Variants in SLC35D2 observed in about 807,000 individuals in gnomAD.
SLC35D2 encodes the protein solute carrier family 35 member D2, also known as nucleotide sugar transporter SLC35D2.
Under a neutral mutation model 41.8 loss-of-function variants are expected in SLC35D2, and 43 were observed. The ratio of observed to expected loss-of-function variants is 1.03; its 90% confidence interval spans 0.81 to 1.33. The LOEUF (loss-of-function observed/expected upper bound fraction) is 1.33. Among genes scored for constraint, SLC35D2 ranks in the 40% most tolerant of loss-of-function variants. SLC35D2 has a pLI of 0.00. For missense variants in SLC35D2, 380 were observed against 408.4 expected (o/e 0.93, Z 0.60); for synonymous variants, 150 against 163.9 (o/e 0.92, Z 0.65).
intron 2 of SLC35D2, 95 bp downstream of exon 2, chr9:96,368,177 A>T: frequency 2.2e-6 from 2 of 926,400 alleles, no homozygotes; most frequent in South Asian, 3.4e-5. Context: ...CAGCTGAATA[A>T]ATTTGCAAAC....
chr9:96,373,916 T>C (rs1306175023), intron 1 of SLC35D2: 1 of 152,160 alleles, frequency 6.6e-6, no homozygotes, highest in African/African-American at 2.4e-5. Context: ...AGTCAAATGA[T>C]ACAATGTAGG....
chr9:96,375,056 A>C (rs931887539), intron 1 of SLC35D2, among the ~76,000 whole-genome samples: 6 of 148,488 alleles, frequency 4.0e-5, no homozygotes, highest in African/African-American at 1.5e-4. Context: ...CAGTGGCTCA[A>C]TCTCAGCTCA....
intron 11 of SLC35D2, 58 bp downstream of exon 11, chr9:96,321,940 T>C: frequency 1.0e-6 from 1 of 976,552 alleles, no homozygotes; most frequent in Admixed American, 2.0e-5. Flanking sequence ...TACATATTAA[T>C]CAGAGTGTTT....
At chr9:96,357,939 C>T (rs960026715) in intron 4 of SLC35D2, among the ~76,000 whole-genome samples, 27 of 151,582 alleles carry the variant, frequency 1.8e-4, no homozygotes, top group African/African-American at 6.1e-4. Context: ...TTCAGGAGAC[C>T]GAGACAGGAG....
rs1830210373 is a variant in SLC35D2 at position 96,360,335 on chromosome 9, A to T, written c.280-114T>A. The T allele has an allele frequency of 1.2e-5, 10 of 865,722 alleles. No individual in the cohort carries two copies. The South Asian group carries it at 1.4e-4, about 12-fold the overall frequency. The allele number at this position is 865,722 out of a possible 1,614,324, so 53.6% of individuals were successfully genotyped here. A position where few individuals can be genotyped will look rare whatever the true frequency, so the allele number is the denominator to read the frequency against. The stretch of plus-strand genomic sequence containing the variant: ...CAGAGAGGATCTTCAAACAGGCATT[A>T]AAAAAATGATTTTGGCGGGGCGCAG... On this transcript the variant is annotated intron_variant, in intron 3 of 11. Transcript: ENST00000253270.
chr9:96,322,098 G>T lies in SLC35D2; in HGVS notation c.832-18C>A. The T allele has an allele frequency of 6.7e-7, 1 of 1,485,428 alleles. No homozygotes were observed. The highest frequency in any genetic ancestry group is 9.3e-7 in the Non-Finnish European group (1 of 1,073,208). 92.0% of individuals were successfully genotyped at this position (1,485,428 alleles called of 1,614,324 possible). A position where few individuals can be genotyped will look rare whatever the true frequency, so the allele number is the denominator to read the frequency against. Reference sequence around the variant, plus strand: ...GATACATTCTGCAGAAAAAGAGAGAGGATTCGTCATTTTAAAAGTAAACTG... The same window carrying T: ...GATACATTCTGCAGAAAAAGAGAGATGATTCGTCATTTTAAAAGTAAACTG... On this transcript the variant is annotated intron_variant, in intron 10 of 11. Coordinates refer to ENST00000253270, the MANE Select transcript of SLC35D2 (RefSeq NM_007001.3).
At chr9:96,382,613 C>T (rs1831251786) in intron 1 of SLC35D2, among the ~76,000 whole-genome samples, 2 of 151,662 alleles carry the variant, frequency 1.3e-5, no homozygotes, top group Non-Finnish European at 2.9e-5. Flanking sequence ...GTGAGACCCA[C>T]ATAAGCTGAA....
intron 1 of SLC35D2, among the ~76,000 whole-genome samples, chr9:96,377,176 C>T (rs896376223): frequency 2.0e-5 from 3 of 151,724 alleles, no homozygotes; most frequent in Admixed American, 6.6e-5. Flanking sequence ...GGGGAGATCT[C>T]GGAGAGGTGC....
chr9:96,365,725 C>G (rs1830448533), intron 2 of SLC35D2, among the ~76,000 whole-genome samples: 1 of 152,142 alleles, frequency 6.6e-6, no homozygotes, highest in Non-Finnish European at 1.5e-5. Context: ...AAAAATGTCT[C>G]CTTCAAATCC....
chr9:96,316,863 G>T (rs1828064962), downstream of SLC35D2, among the ~76,000 whole-genome samples: 1 of 152,296 alleles, frequency 6.6e-6, no homozygotes, highest in African/African-American at 2.4e-5. Flanking sequence ...AACAGGCCAG[G>T]TGTGGTGGCT....
intron 6 of SLC35D2, among the ~76,000 whole-genome samples, chr9:96,346,426 C>G (rs80086175): frequency 0.022 from 3,423 of 152,284 alleles, 133 homozygotes; most frequent in African/African-American, 0.079. Flanking sequence ...AGATGCATCT[C>G]AGGGCCGACC....
chr9:96,360,763 C>T (rs1236396770), intron 3 of SLC35D2, among the ~76,000 whole-genome samples: 1 of 151,214 alleles, frequency 6.6e-6, no homozygotes, highest in Non-Finnish European at 1.5e-5. Context: ...TTTTTTGAGA[C>T]AGAGTTTTGC....
chr9:96,367,989 G>A (rs36073984), intron 2 of SLC35D2, among the ~76,000 whole-genome samples: 3,860 of 152,250 alleles, frequency 0.025, 72 homozygotes, highest in Middle Eastern at 0.054. Flanking sequence ...TCCAGGCCTT[G>A]GAGGCTTTGA....
chr9:96,334,648 AT>A (rs944786895), intron 9 of SLC35D2, among the ~76,000 whole-genome samples: 3 of 151,968 alleles, frequency 2.0e-5, no homozygotes, highest in Admixed American at 6.6e-5. Flanking sequence ...AAAAAAAAAA[AT>A]TTTTTTTAAG....
downstream of SLC35D2, among the ~76,000 whole-genome samples, chr9:96,320,104 T>G (rs1208854959): frequency 6.6e-6 from 1 of 152,216 alleles, no homozygotes. Context: ...TTGGGCCTCC[T>G]TCCCATACAC....
intron 1 of SLC35D2, among the ~76,000 whole-genome samples, chr9:96,371,391 T>C (rs991050977): frequency 1.4e-5 from 2 of 142,496 alleles, no homozygotes; most frequent in Admixed American, 1.5e-4. Context: ...ACTTGAATTG[T>C]ACCTGGGAGG....
At chr9:96,367,217 CA>C (rs925947442) in intron 2 of SLC35D2, among the ~76,000 whole-genome samples, 4 of 78,424 alleles carry the variant, frequency 5.1e-5, no homozygotes, top group African/African-American at 2.7e-4. Context: ...GAGACTCAGT[CA>C]CAAAAAAAAA....
chr9:96,338,697 A>G (rs112721176), intron 8 of SLC35D2, among the ~76,000 whole-genome samples: 26 of 152,294 alleles, frequency 1.7e-4, no homozygotes, highest in African/African-American at 6.0e-4. Flanking sequence ...CTTTTTGTTA[A>G]ATGTTCACTT....
chr9:96,374,071 G>C (rs930290060), intron 1 of SLC35D2: 1 of 152,190 alleles, frequency 6.6e-6, no homozygotes, highest in Non-Finnish European at 1.5e-5. Flanking sequence ...CCCGTTTTCA[G>C]TATGCTTGAA....
Sources: allele counts gnomAD v4.1 joint callset (sites outside exome capture counted in the v4.1 genomes callset), GRCh38; gene constraint gnomAD v4.1.1; transcripts MANE v1.5; gene names NCBI Gene and HGNC (gene_info 2026-07-23, HGNC 2026-07-21).